Variants in AP3B1 observed in about 807,000 individuals in gnomAD.
The protein encoded by AP3B1 is adaptor related protein complex 3 subunit beta 1.
Under a neutral mutation model 132.5 loss-of-function variants are expected in AP3B1, and 61 were observed. The ratio of observed to expected loss-of-function variants is 0.46; its 90% CI spans 0.37 to 0.57. The LOEUF (loss-of-function observed/expected upper bound fraction) is 0.57. Ranked by LOEUF, AP3B1 falls within the 20% of genes least tolerant of loss-of-function variation. The probability of loss-of-function intolerance (pLI) is 0.00; values close to 1 mark genes in which losing one functional copy is unlikely to be tolerated. For missense variants in AP3B1, 1,120 were observed against 1,289.4 expected (o/e 0.87, Z 2.01); for synonymous variants, 388 against 438.3 (o/e 0.89, Z 1.43).
chr5:78,078,098 C>T (rs901215443), intron 22 of AP3B1, among the ~76,000 whole-genome samples: 12 of 152,194 alleles, frequency 7.9e-5, no homozygotes, highest in Middle Eastern at 3.4e-3. Flanking sequence ...AATTAGTTGG[C>T]CCTAATTTTT....
At chr5:78,166,608 CA>C (rs1373841561) in intron 11 of AP3B1, among the ~76,000 whole-genome samples, 1 of 151,618 alleles carries the variant, frequency 6.6e-6, no homozygotes, top group Non-Finnish European at 1.5e-5. Context: ...AAGAAAATCA[CA>C]AAAAAATAGA....
intron 16 of AP3B1, 29 bp downstream of exon 16, chr5:78,129,092 T>C (rs986180839): frequency 6.3e-7 from 1 of 1,578,470 alleles, no homozygotes; most frequent in Non-Finnish European, 8.6e-7. Flanking sequence ...TTAGATAACA[T>C]ATATTTTGGA....
At chr5:78,071,539 T>G (rs1749544920) in intron 22 of AP3B1, among the ~76,000 whole-genome samples, 1 of 152,206 alleles carries the variant, frequency 6.6e-6, no homozygotes, top group Non-Finnish European at 1.5e-5. Flanking sequence ...CTGCACATCT[T>G]GCACATGTAT....
chr5:78,038,565 T>G (rs942160430), intron 23 of AP3B1, among the ~76,000 whole-genome samples: 1 of 152,226 alleles, frequency 6.6e-6, no homozygotes, highest in Admixed American at 6.5e-5. Flanking sequence ...TTGGTCTATA[T>G]CCTCTCAGTC....
At chr5:78,244,770 G>A (rs368456025) in intron 2 of AP3B1, among the ~76,000 whole-genome samples, 2 of 152,138 alleles carry the variant, frequency 1.3e-5, no homozygotes, top group South Asian at 2.1e-4. Context: ...GCCGAGGAGC[G>A]TGGATCACAA....
chr5:78,225,513 T>C (rs2112491813), intron 6 of AP3B1, 29 bp downstream of exon 6: 1 of 1,252,416 alleles, frequency 8.0e-7, no homozygotes, highest in East Asian at 2.3e-5. Flanking sequence ...TACATTTTTA[T>C]GTCAAAGACG....
Position 78,294,528 on chromosome 5 carries a change from T to C in AP3B1, c.52A>G (p.Thr18Ala), listed in dbSNP as rs1200991552. ...GAGGTCGCCTCCTGACCCAGCTCCG[T>C]CGCCTCCCCTCCTCCGGACTGCTCA... is the stretch of plus-strand genomic sequence containing the variant. The part of the protein sequence containing the change: ...YNEQSGGGEA[T>A]ELGQEATSTI... Residue 18 changes from threonine (T) to alanine (A), a missense_variant, in exon 1 of 27, where the codon ACG becomes GCG. Around this residue, in one of 3 missense-constraint regions of AP3B1, gnomAD observed 85 missense variants for 79.9 expected, o/e 1.06. Transcript: ENST00000255194. The C allele has an allele frequency of 6.2e-7, 1 of 1,614,246 alleles. No homozygotes were observed. The highest frequency in any genetic ancestry group is 8.5e-7 in the Non-Finnish European group (1 of 1,180,040).
intron 22 of AP3B1, among the ~76,000 whole-genome samples, chr5:78,047,391 A>T (rs924831006): frequency 2.6e-5 from 4 of 152,138 alleles, no homozygotes; most frequent in Non-Finnish European, 5.9e-5. Context: ...AATGATCCCC[A>T]TTCTAACTGG....
intron 13 of AP3B1, among the ~76,000 whole-genome samples, chr5:78,160,555 A>T (rs1275506719): frequency 1.3e-5 from 2 of 152,122 alleles, no homozygotes; most frequent in African/African-American, 4.8e-5. Context: ...AAACATATTT[A>T]AAAACAATTG....
chr5:78,228,760 T>A (rs1746504598), intron 3 of AP3B1, among the ~76,000 whole-genome samples: 1 of 152,216 alleles, frequency 6.6e-6, no homozygotes, highest in South Asian at 2.1e-4. Context: ...TGTTTCCTCA[T>A]CTGTTAAAAG....
chr5:78,123,511 A>G (rs1752321917), intron 17 of AP3B1, among the ~76,000 whole-genome samples: 1 of 152,114 alleles, frequency 6.6e-6, no homozygotes, highest in Non-Finnish European at 1.5e-5. Context: ...GAAAAAAACA[A>G]ACAACCCCAT....
At chr5:78,116,368 A>C (rs1751828755) in intron 17 of AP3B1, 134 bp from the exon 18 acceptor site, 6 of 733,766 alleles carry the variant, frequency 8.2e-6, no homozygotes, top group Non-Finnish European at 1.4e-5. Context: ...AACTGTTAGA[A>C]GTCCTGGCAT....
At chr5:78,124,935 A>C (rs1052417478) in intron 17 of AP3B1, among the ~76,000 whole-genome samples, 8 of 152,078 alleles carry the variant, frequency 5.3e-5, no homozygotes, top group African/African-American at 1.9e-4. Flanking sequence ...AATTCTATGG[A>C]GTTTCAGGTT....
At position 78,010,389 on chromosome 5, in the gene AP3B1, T is replaced by C. The variant is rs140761720; in HGVS notation, c.3131+5021A>G. Among the ~76,000 whole-genome samples, 45 of 152,314 alleles carry C rather than the reference T, an allele frequency of 3.0e-4. 1 individual carries two copies. The East Asian group carries it at 7.1e-3, about 24-fold the overall frequency. ...AGAGATTCCTGGGCTCTTTCTCAGA[T>C]TTACTGAAGCTGAGTTTTTGGGGTG... On this transcript the variant is annotated intron_variant, in intron 26 of 26. Transcript: ENST00000255194.
chr5:78,107,741 T>G (rs1053770149), intron 20 of AP3B1, among the ~76,000 whole-genome samples: 1 of 152,144 alleles, frequency 6.6e-6, no homozygotes, highest in Non-Finnish European at 1.5e-5. Flanking sequence ...GAATTAAATG[T>G]TGCCTTACAA....
At chr5:78,282,463 A>T (rs1749100119) in intron 1 of AP3B1, among the ~76,000 whole-genome samples, 1 of 152,136 alleles carries the variant, frequency 6.6e-6, no homozygotes, top group Non-Finnish European at 1.5e-5. Flanking sequence ...ATCACACAGA[A>T]GAATCAGGGC....
chr5:78,234,752 T>A (rs1746800608), intron 3 of AP3B1, among the ~76,000 whole-genome samples: 1 of 152,218 alleles, frequency 6.6e-6, no homozygotes, highest in South Asian at 2.1e-4. Context: ...AAGCTCAATA[T>A]TTATCAGCTG....
At chr5:78,086,145 T>C (rs571210780) in intron 22 of AP3B1, among the ~76,000 whole-genome samples, 1 of 152,306 alleles carries the variant, frequency 6.6e-6, no homozygotes, top group Middle Eastern at 3.4e-3. Context: ...CACCCTTTCC[T>C]TGGTTTCAAC....
intron 22 of AP3B1, among the ~76,000 whole-genome samples, chr5:78,081,300 A>ATTAT (rs1749990132): frequency 9.9e-6 from 1 of 100,860 alleles, no homozygotes; most frequent in African/African-American, 3.7e-5. Flanking sequence ...GCATTACTTC[A>ATTAT]TTTTTTTTTT....
Sources: allele counts gnomAD v4.1 joint callset (sites outside exome capture counted in the v4.1 genomes callset), GRCh38; gene constraint gnomAD v4.1.1; regional missense constraint gnomAD v4.1.1; transcripts MANE v1.5; gene names NCBI Gene and HGNC (gene_info 2026-07-23, HGNC 2026-07-21).